Variants in CFAP54 observed in about 807,000 individuals in gnomAD.
CFAP54 encodes the protein cilia and flagella associated protein 54.
CFAP54 carries 290 observed loss-of-function variants against 370.4 expected under a neutral mutation model. That is an observed-to-expected ratio of 0.78 (90% CI 0.71 to 0.86). CFAP54 has a LOEUF of 0.86. Ranked by LOEUF, CFAP54 falls within the 40% of genes least tolerant of loss-of-function variation. The probability of loss-of-function intolerance (pLI) is 0.00; values close to 1 mark genes in which losing one functional copy is unlikely to be tolerated. For synonymous variants in CFAP54, 1,206 were observed against 1,236.5 expected (o/e 0.98, Z 0.52); for missense variants, 3,399 against 3,528.7 (o/e 0.96, Z 0.93).
At chr12:96,516,225 T>C (rs926775129) in intron 5 of CFAP54, among the ~76,000 whole-genome samples, 1 of 152,122 alleles carries the variant, frequency 6.6e-6, no homozygotes, top group South Asian at 2.1e-4. Context: ...ATTACCTCTA[T>C]CTTATATAAT....
intron 23 of CFAP54, among the ~76,000 whole-genome samples, chr12:96,592,282 C>G (rs1956133207): frequency 6.6e-6 from 1 of 152,162 alleles, no homozygotes; most frequent in Admixed American, 6.5e-5. Context: ...AAAATTGCCA[C>G]TAATTAATTT....
intron 26 of CFAP54, among the ~76,000 whole-genome samples, chr12:96,610,955 GT>G (rs1169982281): frequency 6.6e-6 from 1 of 152,224 alleles, no homozygotes; most frequent in Non-Finnish European, 1.5e-5. Context: ...GATTCCACCT[GT>G]GGGGGCAGGG....
At chr12:96,661,422 G>T (rs1956993284) in intron 38 of CFAP54, among the ~76,000 whole-genome samples, 4 of 152,168 alleles carry the variant, frequency 2.6e-5, no homozygotes, top group Admixed American at 2.6e-4. Context: ...TTTACTACAA[G>T]AATTTGGCTT....
intron 48 of CFAP54, among the ~76,000 whole-genome samples, chr12:96,716,455 A>G (rs568675473): frequency 7.2e-5 from 11 of 152,244 alleles, no homozygotes; most frequent in African/African-American, 2.2e-4. Context: ...TGTTCTTATT[A>G]TTTTGGGTTC....
rs1280678522 is a variant in CFAP54, at chr12:96,527,369, C to T, written c.1282C>T (p.Pro428Ser). The T allele has an allele frequency of 3.9e-6, 6 of 1,534,928 alleles. No individual in the cohort carries two copies. The highest frequency in any genetic ancestry group is 1.7e-4 in the Middle Eastern group (1 of 5,986). Residue 428 changes from proline (P) to serine (S), a missense_variant, in exon 9 of 68, where the codon CCC (proline) becomes TCC (serine). This residue lies in a region of CFAP54 where 559 missense variants were observed against 576.7 expected (regional missense o/e 0.97). Coordinates refer to ENST00000524981, the MANE Select transcript of CFAP54 (RefSeq NM_001306084.2). ...DSNRRILQTGPIVTDEVEIHD... is the reference protein window; with the variant it reads ...DSNRRILQTGSIVTDEVEIHD... The stretch of plus-strand genomic sequence containing the variant: ...AAATAGGCGAATACTGCAAACTGGA[C>T]CCATTGTTACAGATGAAGTGGAGAT...
At position 96,545,593 on chromosome 12, in the gene CFAP54, T is replaced by C. The variant is rs76948648; in HGVS notation, c.2078-2309T>C. On this transcript the variant is annotated intron_variant, in intron 14 of 67. Transcript: ENST00000524981. ...GTCTATGAATGAGTTAACCTATTCATGTGAGGAGAGCCTCCGTGACCCAGT... is the reference window on the plus strand; with the variant it reads ...GTCTATGAATGAGTTAACCTATTCACGTGAGGAGAGCCTCCGTGACCCAGT... Among the ~76,000 whole-genome samples, 382 of 152,340 alleles carry C rather than the reference T, an allele frequency of 2.5e-3. 1 individual carries two copies. The highest frequency in any genetic ancestry group is 8.8e-3 in the African/African-American group (366 of 41,574).
chr12:96,727,610 T>G (rs928062458), intron 50 of CFAP54, among the ~76,000 whole-genome samples: 3 of 151,782 alleles, frequency 2.0e-5, no homozygotes, highest in Non-Finnish European at 4.4e-5. Context: ...AGCACACTGA[T>G]GGGTCTTGAC....
In CFAP54 at chr12:96,513,061, C is replaced by T; in HGVS notation, c.798+17C>T. On this transcript the variant is annotated intron_variant, in intron 5 of 67. Coordinates refer to ENST00000524981, the MANE Select transcript of CFAP54 (RefSeq NM_001306084.2). ...TCTTCCAAGGTATGAAATGTACTGA[C>T]AAAATATTTTCCCCTCTATTTCCTG... 1 of 1,440,900 alleles carries T rather than the reference C, an allele frequency of 6.9e-7. No individual in the cohort carries two copies. The highest frequency in any genetic ancestry group is 9.2e-7 in the Non-Finnish European group (1 of 1,087,080). 89.3% of individuals were successfully genotyped at this position (1,440,900 alleles called of 1,614,324 possible). A position where few individuals can be genotyped will look rare whatever the true frequency, so the allele number is the denominator to read the frequency against.
intron 55 of CFAP54, among the ~76,000 whole-genome samples, chr12:96,750,270 G>A (rs1344917782): frequency 2.6e-5 from 4 of 151,830 alleles, no homozygotes; most frequent in Admixed American, 2.6e-4. Context: ...CACCTTCTAG[G>A]ACCCACCTGT....
intron 15 of CFAP54, among the ~76,000 whole-genome samples, chr12:96,548,395 C>G (rs1955662127): frequency 6.6e-6 from 1 of 151,662 alleles, no homozygotes; most frequent in East Asian, 1.9e-4. Context: ...TAACATGCCA[C>G]CCCCCCTCAC....
intron 42 of CFAP54, 136 bp downstream of exon 42, chr12:96,685,374 C>T (rs1957316941): frequency 1.5e-6 from 1 of 675,384 alleles, no homozygotes; most frequent in Admixed American, 2.7e-5. Flanking sequence ...CAGGGCCTTA[C>T]AGTTTATTTA....
intron 62 of CFAP54, among the ~76,000 whole-genome samples, chr12:96,789,195 T>C (rs900659449): frequency 6.6e-6 from 1 of 152,210 alleles, no homozygotes; most frequent in African/African-American, 2.4e-5. Context: ...GTTCACTTCC[T>C]GCAAACATTT....
intron 26 of CFAP54, among the ~76,000 whole-genome samples, chr12:96,618,702 G>A (rs1175138301): frequency 6.6e-6 from 1 of 152,166 alleles, no homozygotes; most frequent in Non-Finnish European, 1.5e-5. Context: ...CCCAGTGGAG[G>A]TTGACGTCCT....
At chr12:96,827,007 T>TTATAATATGCAATTATATGTGATAATA (rs1959123602) in intron 65 of CFAP54, among the ~76,000 whole-genome samples, 1 of 122,246 alleles carries the variant, frequency 8.2e-6, no homozygotes, top group African/African-American at 4.1e-5. Context: ...ATATGATTAA[T>TTATAATATGCAATTATATGTGATAATA]TATAATATGC....
At chr12:96,674,367 T>C (rs945975215) in intron 39 of CFAP54, among the ~76,000 whole-genome samples, 8 of 138,022 alleles carry the variant, frequency 5.8e-5, no homozygotes, top group Non-Finnish European at 9.3e-5. Context: ...CTTCTCCTCC[T>C]TCTTCTTTCT....
At chr12:96,494,812 C>G (rs1380313786) in intron 1 of CFAP54, among the ~76,000 whole-genome samples, 3 of 151,888 alleles carry the variant, frequency 2.0e-5, no homozygotes, top group Non-Finnish European at 4.4e-5. Context: ...CTGCAGCTTC[C>G]GCCTCCCGGA....
chr12:96,611,286 T>A (rs7967458), intron 26 of CFAP54, among the ~76,000 whole-genome samples: 63,872 of 152,038 alleles, frequency 0.42, 14,033 homozygotes, highest in Admixed American at 0.5. Flanking sequence ...GCGTCTGGAG[T>A]GGACCTCCAG....
chr12:96,752,085 T>TGAGAGAGAGGGAGAGAGAGA (rs1958190656), intron 55 of CFAP54, among the ~76,000 whole-genome samples: 1 of 90,568 alleles, frequency 1.1e-5, no homozygotes, highest in African/African-American at 3.9e-5. Flanking sequence ...TCTTCCTGGA[T>TGAGAGAGAGGGAGAGAGAGA]GAGAGAGAGA....
chr12:96,649,868 C>T, intron 34 of CFAP54, 23 bp from the exon 35 acceptor site: 2 of 1,496,140 alleles, frequency 1.3e-6, no homozygotes, highest in Non-Finnish European at 1.8e-6. Flanking sequence ...TTAATCATGT[C>T]ATATCTTATT....
Sources: gnomAD v4.1 joint callset for allele counts (sites outside exome capture counted in the v4.1 genomes callset) on GRCh38, gnomAD v4.1.1 for gene constraint, gnomAD v4.1.1 regional missense constraint, MANE v1.5 for transcripts, NCBI Gene and HGNC (gene_info 2026-07-23, HGNC 2026-07-21) for gene names.